ZNF407: variants seen among roughly 807,000 people sequenced by gnomAD.
The protein encoded by ZNF407 is zinc finger protein 407.
A neutral mutation model predicts 131.2 loss-of-function variants in ZNF407; 17 were observed. The ratio of observed to expected loss-of-function variants is 0.13; its 90% CI spans 0.09 to 0.19. The LOEUF is 0.19. ZNF407 is among the 10% of genes least tolerant of loss of function. The pLI is 1.00. For synonymous variants in ZNF407, 1,156 were observed against 1,062.0 expected (o/e 1.09, Z -1.72); for missense variants, 2,681 against 2,830.6 (o/e 0.95, Z 1.20).
rs35436259 is a variant in ZNF407, at chr18:74,703,948, CT to C, written c.4802+62835del. ...TTTTGTTGGACCACTGGAAGGATCT[CT>C]TTTTTTTTATTTTTTATTTTTTTGC... On this transcript the variant is annotated intron_variant, in intron 3 of 8. Coordinates refer to ENST00000299687, the MANE Select transcript of ZNF407 (RefSeq NM_017757.3). This position sits in a 1 kb window ranked among gnomAD's most constrained non-coding sequence, Gnocchi z 4.1. 0.087 allele frequency among the ~76,000 whole-genome samples: 13,173 copies of C among 151,408 alleles called. 783 individuals are homozygous for C. The highest frequency in any genetic ancestry group is 0.17 in the African/African-American group (7,048 of 41,226).
intron 1 of ZNF407, among the ~76,000 whole-genome samples, chr18:74,611,379 A>T (rs901934229): frequency 6.6e-6 from 1 of 152,276 alleles, no homozygotes; most frequent in South Asian, 2.1e-4. Context: ...TATTCAGCAC[A>T]TATTACTAAT....
intron 4 of ZNF407, among the ~76,000 whole-genome samples, chr18:74,783,831 T>G (rs945799728): frequency 6.6e-6 from 1 of 152,240 alleles, no homozygotes; most frequent in Admixed American, 6.5e-5. Flanking sequence ...CGTCTTTGAC[T>G]GAATTGTTTT....
intron 8 of ZNF407, among the ~76,000 whole-genome samples, chr18:75,004,823 G>A (rs1222038975): frequency 6.6e-6 from 1 of 152,154 alleles, no homozygotes; most frequent in Admixed American, 6.5e-5. Flanking sequence ...AGTCCCAAGT[G>A]CTTTCCTTAG....
chr18:75,032,428 C>T (rs1973252162), intron 8 of ZNF407, among the ~76,000 whole-genome samples: 1 of 152,194 alleles, frequency 6.6e-6, no homozygotes, highest in Non-Finnish European at 1.5e-5. Context: ...TCTCCACAGA[C>T]CATTTGATGT....
chr18:75,047,896 A>G (rs1973453650), intron 8 of ZNF407, among the ~76,000 whole-genome samples: 1 of 152,180 alleles, frequency 6.6e-6, no homozygotes, highest in African/African-American at 2.4e-5. Context: ...TTTGTTGAGA[A>G]AAATACCTGA....
intron 3 of ZNF407, among the ~76,000 whole-genome samples, chr18:74,705,806 T>C (rs935025039): frequency 6.6e-6 from 1 of 152,196 alleles, no homozygotes; most frequent in Non-Finnish European, 1.5e-5. Flanking sequence ...GTGTGAGATG[T>C]GAACTTTCTT....
At chr18:74,834,355 A>G (rs778465378) in intron 4 of ZNF407, among the ~76,000 whole-genome samples, 84 of 152,238 alleles carry the variant, frequency 5.5e-4, no homozygotes, top group Non-Finnish European at 9.6e-4. Flanking sequence ...TATGTCTAGA[A>G]AAATGGGATG....
chr18:74,889,029 G>A (rs1236311980), intron 6 of ZNF407, among the ~76,000 whole-genome samples: 1 of 152,116 alleles, frequency 6.6e-6, no homozygotes, highest in Non-Finnish European at 1.5e-5. Flanking sequence ...TACTTTTTCT[G>A]TGTTTAGATG....
chr18:74,819,466 G>A (rs1970311097), intron 4 of ZNF407, among the ~76,000 whole-genome samples: 1 of 152,158 alleles, frequency 6.6e-6, no homozygotes, highest in East Asian at 1.9e-4. Context: ...AAGCATACAA[G>A]GCCTACATGA....
intron 4 of ZNF407, among the ~76,000 whole-genome samples, chr18:74,820,641 G>A (rs2145101305): frequency 6.6e-6 from 1 of 152,288 alleles, no homozygotes; most frequent in Admixed American, 6.5e-5. Context: ...GTTCAACCTT[G>A]CCATTCTGGG....
chr18:74,798,433 C>T (rs1321099731), intron 4 of ZNF407, among the ~76,000 whole-genome samples: 2 of 152,016 alleles, frequency 1.3e-5, no homozygotes, highest in African/African-American at 4.8e-5. Context: ...ATAACCAATT[C>T]TATTTTTTTA....
intron 3 of ZNF407, among the ~76,000 whole-genome samples, chr18:74,684,215 A>G (rs1967046711): frequency 6.6e-6 from 1 of 152,104 alleles, no homozygotes; most frequent in South Asian, 2.1e-4. Context: ...TCAAAAGGAA[A>G]AAGTAAGGAT....
chr18:74,618,056 A>C (rs1298954975), intron 1 of ZNF407, among the ~76,000 whole-genome samples: 1 of 152,142 alleles, frequency 6.6e-6, no homozygotes, highest in African/African-American at 2.4e-5. Flanking sequence ...TCAGTCATTG[A>C]ACTGGGCTTA....
intron 1 of ZNF407, among the ~76,000 whole-genome samples, chr18:74,607,423 A>G (rs571813357): frequency 1.3e-5 from 2 of 152,250 alleles, no homozygotes; most frequent in Admixed American, 1.3e-4. Context: ...TACTCGGATA[A>G]TCTAGTTCTT....
At position 74,632,578 on chromosome 18, in the gene ZNF407, C is replaced by G; in HGVS notation, c.1559C>G (p.Pro520Arg). 6.2e-7 allele frequency: 1 copy of G among 1,614,042 alleles called. No homozygotes were observed. Among genetic ancestry groups the G allele is most frequent in the Non-Finnish European group, 8.5e-7 (1 of 1,179,912 alleles). The change falls in exon 2 of 9, where the codon CCA becomes CGA. Residue 520 changes from proline (P) to arginine (R), a missense_variant. Coordinates refer to ENST00000299687, the MANE Select transcript of ZNF407 (RefSeq NM_017757.3). Reference sequence around the variant, plus strand: ...GGGCTGCATTCCCTGACAGTGAAGCCAGCTTCTGGCTCTCAGACGTTGTGT... The same window carrying G: ...GGGCTGCATTCCCTGACAGTGAAGCGAGCTTCTGGCTCTCAGACGTTGTGT... ...DSGLHSLTVKPASGSQTLCAC... is the reference protein window; with the variant it reads ...DSGLHSLTVKRASGSQTLCAC...
chr18:74,818,462 C>T (rs1970296816), intron 4 of ZNF407, among the ~76,000 whole-genome samples: 1 of 152,176 alleles, frequency 6.6e-6, no homozygotes. Context: ...ATTACACATG[C>T]AATATGTGTT....
chr18:74,867,284 A>G (rs1033091923), intron 4 of ZNF407, among the ~76,000 whole-genome samples: 5 of 152,208 alleles, frequency 3.3e-5, no homozygotes, highest in Non-Finnish European at 5.9e-5. Context: ...ACTATACGAT[A>G]TACGATAGAC....
intron 4 of ZNF407, among the ~76,000 whole-genome samples, chr18:74,806,993 T>A (rs1001047650): frequency 8.5e-5 from 13 of 152,346 alleles, no homozygotes; most frequent in Admixed American, 8.5e-4. Context: ...TACATTGTTA[T>A]GGCAGAACTG....
intron 3 of ZNF407, among the ~76,000 whole-genome samples, chr18:74,754,199 T>G (rs1968874635): frequency 6.6e-6 from 1 of 152,206 alleles, no homozygotes; most frequent in African/African-American, 2.4e-5. Flanking sequence ...GCTATCCCCT[T>G]TATCATTTTT....
Sources: allele counts gnomAD v4.1 joint callset (sites outside exome capture counted in the v4.1 genomes callset), GRCh38; gene constraint gnomAD v4.1.1; non-coding constraint Gnocchi (gnomAD v3.1); transcripts MANE v1.5; gene names NCBI Gene and HGNC (gene_info 2026-07-23, HGNC 2026-07-21).